Variants in PDE9A observed in about 807,000 individuals in gnomAD.
PDE9A encodes high affinity cGMP-specific 3',5'-cyclic phosphodiesterase 9A.
A neutral mutation model predicts 87.4 loss-of-function variants in PDE9A; 60 were observed. The observed-to-expected ratio is 0.69, with a 90% CI of 0.56 to 0.85. PDE9A has a LOEUF of 0.85. Ranked by LOEUF, PDE9A falls within the 40% of genes least tolerant of loss-of-function variation. PDE9A has a pLI of 0.00. For synonymous variants in PDE9A, 272 were observed against 279.4 expected, an observed-to-expected ratio of 0.97 and a Z score of 0.27; for missense variants, 665 against 779.0, an observed-to-expected ratio of 0.85 and a Z score of 1.74.
At chr21:42,742,457 CT>C (rs60925435) in intron 7 of PDE9A, among the ~76,000 whole-genome samples, 1,901 of 71,476 alleles carry the variant, frequency 0.027, 10 homozygotes, top group African/African-American at 0.1. Context: ...AAGCTGTCTG[CT>C]TTTTTTTTTT....
chr21:42,703,142 C>T (rs2048512430), intron 4 of PDE9A, among the ~76,000 whole-genome samples: 1 of 152,322 alleles, frequency 6.6e-6, no homozygotes, highest in South Asian at 2.1e-4. Flanking sequence ...AGAGACCCAT[C>T]CGGGGCTTCT....
intron 4 of PDE9A, among the ~76,000 whole-genome samples, chr21:42,706,891 C>T (rs563534840): frequency 9.9e-5 from 15 of 152,222 alleles, no homozygotes; most frequent in Non-Finnish European, 1.6e-4. Context: ...ACTTTGCACA[C>T]GGTGTTGCAG....
intron 1 of PDE9A, among the ~76,000 whole-genome samples, chr21:42,680,668 G>A (rs1241371141): frequency 6.6e-6 from 1 of 152,212 alleles, no homozygotes; most frequent in African/African-American, 2.4e-5. Context: ...CCGTGTGCCT[G>A]AGTGACACGT....
chr21:42,664,099 C>T (rs987097276), intron 1 of PDE9A, among the ~76,000 whole-genome samples: 1 of 152,222 alleles, frequency 6.6e-6, no homozygotes, highest in Non-Finnish European at 1.5e-5. Flanking sequence ...ATCTCCAGCT[C>T]CCACCTGCCC....
intron 8 of PDE9A, among the ~76,000 whole-genome samples, chr21:42,746,750 AC>A (rs2053892067): frequency 6.6e-6 from 1 of 152,354 alleles, no homozygotes; most frequent in East Asian, 1.9e-4. Context: ...CTCCAGTGAG[AC>A]ATCAGCCCCC....
At chr21:42,731,385 G>A (rs2051720618) in intron 4 of PDE9A, among the ~76,000 whole-genome samples, 1 of 152,186 alleles carries the variant, frequency 6.6e-6, no homozygotes, top group Non-Finnish European at 1.5e-5. Context: ...CTAGAGGATG[G>A]CTGGAGCCAG....
chr21:42,710,825 T>C (rs935665038), intron 4 of PDE9A, among the ~76,000 whole-genome samples: 13 of 152,076 alleles, frequency 8.5e-5, no homozygotes, highest in African/African-American at 3.1e-4. Context: ...TCCTCTCTAC[T>C]AAAAATACAA....
At chr21:42,706,209 G>A (rs1450262449) in intron 4 of PDE9A, among the ~76,000 whole-genome samples, 1 of 152,248 alleles carries the variant, frequency 6.6e-6, no homozygotes. Flanking sequence ...TCCAGATGCA[G>A]ATGCGCTGTA....
intron 10 of PDE9A, among the ~76,000 whole-genome samples, chr21:42,756,131 G>A (rs560302059): frequency 2.0e-5 from 3 of 152,366 alleles, no homozygotes; most frequent in East Asian, 1.9e-4. Flanking sequence ...CATCTCCCAC[G>A]GCCCGTGGCT....
intron 1 of PDE9A, among the ~76,000 whole-genome samples, chr21:42,661,318 C>T (rs1409651989): frequency 6.6e-6 from 1 of 150,732 alleles, no homozygotes; most frequent in Non-Finnish European, 1.5e-5. Flanking sequence ...CGTGAGCCAC[C>T]ACGCCCAGCC....
rs1321387535 is a variant in PDE9A at position 42,772,524 on chromosome 21, A to G, written c.1768+4A>G. On this transcript the variant is annotated splice_donor_region_variant and intron_variant, in intron 19 of 19. Transcript: ENST00000291539. ...AGAGATGTGAAAAACAGTGAAGGTA[A>G]TGCTTGCTCTGCTGAAGTGGCATCT... The G allele has an allele frequency of 1.9e-6, 3 of 1,588,492 alleles. No homozygotes were observed. The highest frequency in any genetic ancestry group is 2.3e-5 in the South Asian group (2 of 87,530).
chr21:42,717,811 C>T (rs1473785521), intron 4 of PDE9A, among the ~76,000 whole-genome samples: 2 of 151,722 alleles, frequency 1.3e-5, no homozygotes, highest in Non-Finnish European at 2.9e-5. Context: ...TTCTTTCTGG[C>T]CTCCATTGTT....
At chr21:42,770,549 A>C (rs577006190) in intron 17 of PDE9A, among the ~76,000 whole-genome samples, 154 bp from the exon 18 acceptor site, 1 of 152,248 alleles carries the variant, frequency 6.6e-6, no homozygotes, top group East Asian at 1.9e-4. Flanking sequence ...ACAGAGCCGC[A>C]GTGGGTGGAG....
intron 4 of PDE9A, among the ~76,000 whole-genome samples, chr21:42,728,392 A>T (rs2051358652): frequency 6.6e-6 from 1 of 152,178 alleles, no homozygotes; most frequent in Admixed American, 6.5e-5. Flanking sequence ...ATTTTATGAG[A>T]GTTTTCTCAT....
At chr21:42,750,573 C>CT (rs34377795) in intron 8 of PDE9A, among the ~76,000 whole-genome samples, 35,125 of 147,028 alleles carry the variant, frequency 0.24, 4,723 homozygotes, top group East Asian at 0.5. Context: ...ACTTTTTTTT[C>CT]TTTTTTTTTT....
chr21:42,733,779 C>G lies in PDE9A; in HGVS notation c.568+353C>G, dbSNP rs186605680. On this transcript the variant is annotated intron_variant, in intron 7 of 19. Coordinates refer to ENST00000291539, the MANE Select transcript of PDE9A (RefSeq NM_002606.3). Reference sequence around the variant, plus strand: ...ATGAAGACATTCTCTGCACACTGATCGGCACCCTGTGGGTCATAATTTTTT... The same window carrying G: ...ATGAAGACATTCTCTGCACACTGATGGGCACCCTGTGGGTCATAATTTTTT... 3 of 252,622 alleles carry G rather than the reference C, an allele frequency of 1.2e-5. No homozygotes were observed. In the South Asian group the frequency reaches 2.4e-4, roughly 20 times the overall value. 15.6% of individuals were successfully genotyped at this position (252,622 alleles called of 1,614,324 possible).
intron 7 of PDE9A, among the ~76,000 whole-genome samples, chr21:42,737,859 G>T (rs141494646): frequency 1.1e-4 from 17 of 152,296 alleles, no homozygotes; most frequent in African/African-American, 4.1e-4. Flanking sequence ...GGAATTTCCT[G>T]CTTCTTCTTA....
intron 4 of PDE9A, among the ~76,000 whole-genome samples, chr21:42,708,358 A>G (rs1304251748): frequency 1.3e-5 from 2 of 152,166 alleles, no homozygotes; most frequent in African/African-American, 4.8e-5. Context: ...TCCTGACGGC[A>G]GATTTGAGTA....
intron 1 of PDE9A, among the ~76,000 whole-genome samples, chr21:42,670,187 A>ACACATT (rs1569116008): frequency 1.8e-4 from 26 of 146,014 alleles, no homozygotes; most frequent in Middle Eastern, 3.5e-3. Flanking sequence ...ACATACACTT[A>ACACATT]CACACATTCA....
Sources: gnomAD v4.1 joint callset for allele counts (sites outside exome capture counted in the v4.1 genomes callset) on GRCh38, gnomAD v4.1.1 for gene constraint, MANE v1.5 for transcripts, NCBI Gene and HGNC (gene_info 2026-07-23, HGNC 2026-07-21) for gene names.